Variants in FGF12 observed in about 807,000 individuals in gnomAD.
FGF12 encodes fibroblast growth factor 12B.
Under a neutral mutation model 23.6 loss-of-function variants are expected in FGF12, and 14 were observed. That is an observed-to-expected ratio of 0.59 (90% CI 0.39 to 0.93). The LOEUF is 0.93. Ranked by LOEUF, FGF12 falls within the 40% of genes least tolerant of loss-of-function variation. FGF12 has a pLI of 0.00. For missense variants in FGF12, 175 were observed against 217.8 expected, an observed-to-expected ratio of 0.80 and a Z score of 1.24; for synonymous variants, 62 against 77.3, an observed-to-expected ratio of 0.80 and a Z score of 1.04.
intron 2 of FGF12, chr3:192,673,352 A>G (rs1029793642): frequency 7.3e-5 from 11 of 150,978 alleles, no homozygotes; most frequent in African/African-American, 2.7e-4. Flanking sequence ...ATCCATAAAA[A>G]CTACATCCAG....
chr3:192,195,764 G>A (rs1717036255), intron 4 of FGF12, among the ~76,000 whole-genome samples: 1 of 151,952 alleles, frequency 6.6e-6, no homozygotes. Flanking sequence ...ATGTATGTAT[G>A]TGTGTATACA....
intron 4 of FGF12, among the ~76,000 whole-genome samples, chr3:192,194,776 G>A (rs1175379975): frequency 1.3e-5 from 2 of 151,986 alleles, no homozygotes; most frequent in African/African-American, 2.4e-5. Flanking sequence ...CTTTTTAAAT[G>A]TACGCTTTTT....
intron 2 of FGF12, among the ~76,000 whole-genome samples, chr3:192,468,736 G>A (rs73070216): frequency 0.1 from 15,524 of 152,072 alleles, 2,562 homozygotes; most frequent in African/African-American, 0.35. Flanking sequence ...ATCTTGAGGA[G>A]GAGACTCCGA....
chr3:192,309,488 T>C (rs1034554270), intron 4 of FGF12, among the ~76,000 whole-genome samples: 2 of 152,246 alleles, frequency 1.3e-5, no homozygotes, highest in East Asian at 1.9e-4. Context: ...GACACAGCCT[T>C]TGCCTTCAAG....
At chr3:192,273,451 C>G (rs1042447821) in intron 4 of FGF12, among the ~76,000 whole-genome samples, 8 of 151,944 alleles carry the variant, frequency 5.3e-5, no homozygotes, top group African/African-American at 1.5e-4. Context: ...AAACATAGGG[C>G]CTCTAAGAGA....
intron 3 of FGF12, among the ~76,000 whole-genome samples, chr3:192,343,566 C>A (rs1717802685): frequency 6.6e-6 from 1 of 152,012 alleles, no homozygotes; most frequent in South Asian, 2.1e-4. Context: ...CAATTATTCA[C>A]CCTCCCCATT....
intron 2 of FGF12, among the ~76,000 whole-genome samples, chr3:192,471,407 GA>G (rs1265297127): frequency 6.6e-6 from 1 of 152,028 alleles, no homozygotes; most frequent in Admixed American, 6.6e-5. Context: ...TGCAAACAGT[GA>G]AAAAGTGTTT....
intron 2 of FGF12, among the ~76,000 whole-genome samples, chr3:192,658,307 G>A (rs1011315407): frequency 6.6e-6 from 1 of 152,222 alleles, no homozygotes; most frequent in Non-Finnish European, 1.5e-5. Flanking sequence ...CAGGTACCCA[G>A]AACTTGGCAT....
At chr3:192,572,715 A>T (rs569181725) in intron 2 of FGF12, among the ~76,000 whole-genome samples, 1 of 152,182 alleles carries the variant, frequency 6.6e-6, no homozygotes, top group Non-Finnish European at 1.5e-5. Flanking sequence ...TTACATACTA[A>T]ACTATTTTAA....
At chr3:192,239,464 A>G (rs975788800) in intron 4 of FGF12, among the ~76,000 whole-genome samples, 1 of 152,198 alleles carries the variant, frequency 6.6e-6, no homozygotes, top group Non-Finnish European at 1.5e-5. Context: ...TATTCTAACA[A>G]TAGCTCTTCA....
At chr3:192,381,938 TG>T (rs1719831391) in intron 2 of FGF12, among the ~76,000 whole-genome samples, 1 of 151,624 alleles carries the variant, frequency 6.6e-6, no homozygotes, top group Non-Finnish European at 1.5e-5. Context: ...AAATTCTGAA[TG>T]GAAAAAGTCA....
At chr3:192,226,029 T>C (rs1718714981) in intron 4 of FGF12, among the ~76,000 whole-genome samples, 2 of 152,164 alleles carry the variant, frequency 1.3e-5, no homozygotes, top group Admixed American at 1.3e-4. Context: ...AATTAGATAC[T>C]GGTGATGAAT....
intron 4 of FGF12, among the ~76,000 whole-genome samples, chr3:192,302,892 A>G (rs1161279008): frequency 2.6e-5 from 4 of 152,236 alleles, no homozygotes; most frequent in Admixed American, 1.3e-4. Context: ...AAGAATGAAC[A>G]TAATGCTTTT....
At chr3:192,546,015 A>G (rs1293747998) in intron 2 of FGF12, among the ~76,000 whole-genome samples, 1 of 152,238 alleles carries the variant, frequency 6.6e-6, no homozygotes, top group African/African-American at 2.4e-5. Flanking sequence ...TCATTTCAGA[A>G]TGAAATGTAA....
rs578051240 is a variant in FGF12, at chr3:192,174,034, T to A, written c.229-3378A>T. ...GGCTCCTCGCTGCTGGTTCAGTACTTCTTCCAATGCCACACATTGCTTTCC... is the reference window on the plus strand; with the variant it reads ...GGCTCCTCGCTGCTGGTTCAGTACTACTTCCAATGCCACACATTGCTTTCC... On this transcript the variant is annotated intron_variant, in intron 4 of 5. Coordinates refer to ENST00000445105, the MANE Select transcript of FGF12 (RefSeq NM_004113.6). Among the ~76,000 whole-genome samples, 3 of 152,340 alleles carry A rather than the reference T, an allele frequency of 2.0e-5. No individual in the cohort carries two copies. In the East Asian group the frequency reaches 5.8e-4, roughly 29 times the overall value.
At chr3:192,365,623 A>T (rs957235655) in intron 2 of FGF12, among the ~76,000 whole-genome samples, 1 of 152,164 alleles carries the variant, frequency 6.6e-6, no homozygotes, top group Non-Finnish European at 1.5e-5. Context: ...TACAGCTAAA[A>T]AAGCAAGTAA....
In FGF12 at chr3:192,157,670, T is replaced by C. The variant is rs116784042; in HGVS notation, c.427+12788A>G. Reference sequence around the variant, plus strand: ...TCAACAATAACTTCTATTTTAGTTATAAATTTCTTCTGAAAAAATTACAAT... The same window carrying C: ...TCAACAATAACTTCTATTTTAGTTACAAATTTCTTCTGAAAAAATTACAAT... On this transcript the variant is annotated intron_variant, in intron 5 of 5. Transcript: ENST00000445105. 7.7e-3 allele frequency among the ~76,000 whole-genome samples: 1,177 copies of C among 152,334 alleles called. 17 individuals are homozygous for C. Among genetic ancestry groups the C allele is most frequent in the African/African-American group, 0.027 (1,124 of 41,572 alleles).
intron 2 of FGF12, among the ~76,000 whole-genome samples, chr3:192,618,729 G>C (rs141459352): frequency 5.9e-5 from 9 of 151,984 alleles, no homozygotes; most frequent in African/African-American, 1.9e-4. Context: ...TACAAATGTG[G>C]CTTCTGCCTT....
intron 4 of FGF12, among the ~76,000 whole-genome samples, chr3:192,235,983 A>T (rs1174743381): frequency 2.0e-5 from 3 of 152,086 alleles, no homozygotes; most frequent in Admixed American, 6.6e-5. Flanking sequence ...TAACTGCTTG[A>T]TGTAGGCATT....
Sources: gnomAD v4.1 joint callset for allele counts (sites outside exome capture counted in the v4.1 genomes callset) on GRCh38, gnomAD v4.1.1 for gene constraint, MANE v1.5 for transcripts, NCBI Gene and HGNC (gene_info 2026-07-23, HGNC 2026-07-21) for gene names.